The following ABR variants were observed in gnomAD, a reference collection of about 807,000 sequenced individuals.
The protein encoded by ABR is active breakpoint cluster region-related protein.
ABR carries 35 observed loss-of-function variants against 107.2 expected under a neutral mutation model. The observed-to-expected ratio is 0.33, with a 90% confidence interval of 0.25 to 0.43. The LOEUF (loss-of-function observed/expected upper bound fraction) is 0.43. Ranked by LOEUF, ABR falls within the 20% of genes least tolerant of loss-of-function variation. The pLI is 1.00. For missense variants in ABR, 815 were observed against 1,115.2 expected, an observed-to-expected ratio of 0.73 and a Z score of 3.83; for synonymous variants, 498 against 462.0, an observed-to-expected ratio of 1.08 and a Z score of -1.00.
chr17:1,096,719 G>C (rs192332382), intron 3 of ABR, among the ~76,000 whole-genome samples: 520 of 148,108 alleles, frequency 3.5e-3, no homozygotes, highest in African/African-American at 0.011. Context: ...GCTGGGGAAG[G>C]GGGGGAACCT....
intron 7 of ABR, 60 bp from the exon 8 acceptor site, chr17:1,072,814 CG>C: frequency 3.2e-6 from 5 of 1,564,322 alleles, no homozygotes; most frequent in Non-Finnish European, 4.3e-6. Flanking sequence ...GTGTGGCCAC[CG>C]GGGAGTGCTC....
chr17:1,228,990 T>C (rs1289327236), exon 1 of ABR: 1 of 151,286 alleles, frequency 6.6e-6, no homozygotes, highest in Admixed American at 6.6e-5. Context: ...GGCCTCCCGC[T>C]GCTCCAGGTC....
intron 4 of ABR, among the ~76,000 whole-genome samples, chr17:1,086,848 C>A (rs2036622799): frequency 1.3e-5 from 2 of 152,134 alleles, no homozygotes; most frequent in Non-Finnish European, 2.9e-5. Flanking sequence ...GGTACACACA[C>A]CTATAGCCCT....
intron 1 of ABR, among the ~76,000 whole-genome samples, chr17:1,227,724 T>C (rs2043247882): frequency 6.6e-6 from 1 of 152,180 alleles, no homozygotes; most frequent in Non-Finnish European, 1.5e-5. Context: ...ACCAGTGTGC[T>C]GCTTTCCGCG....
At chr17:1,132,476 TCAAGCGATTCTCCCGTCTC>T (rs1229996252) in intron 1 of ABR, among the ~76,000 whole-genome samples, 1 of 150,912 alleles carries the variant, frequency 6.6e-6, no homozygotes, top group Non-Finnish European at 1.5e-5. Flanking sequence ...CCTGCCAGGT[TCAAGCGATTCTCCCGTCTC>T]AGCCTCCCGA....
chr17:1,195,315 A>T (rs867284725), intron 1 of ABR, among the ~76,000 whole-genome samples: 2 of 145,874 alleles, frequency 1.4e-5, no homozygotes, highest in Non-Finnish European at 3.0e-5. Flanking sequence ...AAAAAAAAAA[A>T]AAAGTCCTGG....
intron 1 of ABR, chr17:1,177,877 C>T (rs62070493): frequency 0.039 from 5,921 of 152,370 alleles, 201 homozygotes; most frequent in East Asian, 0.16. Context: ...TTCATGCAGA[C>T]GCACGTGCAC....
intron 1 of ABR, among the ~76,000 whole-genome samples, chr17:1,213,974 G>A (rs933072936): frequency 4.0e-5 from 6 of 151,596 alleles, no homozygotes; most frequent in African/African-American, 9.7e-5. Context: ...TGCATCCTCC[G>A]CCTCCCGGGT....
intron 21 of ABR, 93 bp from the exon 22 acceptor site, chr17:1,007,405 G>C: frequency 6.8e-7 from 1 of 1,480,722 alleles, no homozygotes; most frequent in Non-Finnish European, 9.2e-7. Flanking sequence ...AACTCCTGAA[G>C]GACTCCTGGA....
intron 16 of ABR, among the ~76,000 whole-genome samples, chr17:1,022,120 A>AAAAAAAAAAAAAAAAAAAAAAAC (rs56033950): frequency 1.3e-4 from 15 of 118,394 alleles, no homozygotes; most frequent in South Asian, 8.1e-4. Flanking sequence ...AAAAAAAAAA[A>AAAAAAAAAAAAAAAAAAAAAAAC]AAAAACAGAA....
chr17:1,133,650 G>A (rs866706695), intron 1 of ABR, among the ~76,000 whole-genome samples: 21 of 152,144 alleles, frequency 1.4e-4, no homozygotes, highest in African/African-American at 3.9e-4. Context: ...AGAGCCTTCC[G>A]ATTCTGGAAA....
Position 1,011,676 on chromosome 17 carries a change from A to G in ABR, c.2101+170T>C, listed in dbSNP as rs1567563066. 1 of 756,928 alleles carries G rather than the reference A, an allele frequency of 1.3e-6. No individual in the cohort carries two copies. The highest frequency in any genetic ancestry group is 2.9e-5 in the East Asian group (1 of 34,130). The allele number at this position is 756,928 out of a possible 1,614,324, so 46.9% of individuals were successfully genotyped here. On this transcript the variant is annotated intron_variant, in intron 19 of 22. Transcript: ENST00000302538. This position sits in a 1 kb window ranked among gnomAD's most constrained non-coding sequence, Gnocchi z 4.8. ...CAGTTGCTTACCTGCAGCAAGGGAC[A>G]AGAGATTGGAGGGGAGGGGATTACA...
At position 1,010,708 on chromosome 17, in the gene ABR, T is replaced by C; in HGVS notation, c.2236+21A>G. Reference sequence around the variant, plus strand: ...GGCTCAGTCTGGCCCAGCCCAGTCCTAGGAGCCCTCAGGGCCTCACCGATG... The same window carrying C: ...GGCTCAGTCTGGCCCAGCCCAGTCCCAGGAGCCCTCAGGGCCTCACCGATG... On this transcript the variant is annotated intron_variant, in intron 20 of 22. Transcript: ENST00000302538. The surrounding 1 kb of genome is among the most constrained non-coding windows in gnomAD (Gnocchi z 4.1). The C allele has an allele frequency of 1.9e-6, 3 of 1,612,590 alleles. No individual in the cohort carries two copies. Among genetic ancestry groups the C allele is most frequent in the Non-Finnish European group, 2.5e-6 (3 of 1,179,754 alleles).
chr17:1,146,647 CCACATGCCACCACTG>C (rs1387176911), intron 1 of ABR, among the ~76,000 whole-genome samples: 1 of 148,346 alleles, frequency 6.7e-6, no homozygotes, highest in African/African-American at 2.5e-5. Context: ...GCCACCACTG[CCACATGCCACCACTG>C]CCACCAGGCC....
At chr17:1,208,687 A>G (rs574420975) in intron 1 of ABR, among the ~76,000 whole-genome samples, 10 of 152,188 alleles carry the variant, frequency 6.6e-5, no homozygotes, top group East Asian at 3.9e-4. Flanking sequence ...GGGAGATCGA[A>G]ACCATCCTGG....
At chr17:1,029,961 T>C (rs1212859249) in intron 16 of ABR, among the ~76,000 whole-genome samples, 2 of 151,780 alleles carry the variant, frequency 1.3e-5, no homozygotes, top group Non-Finnish European at 2.9e-5. Flanking sequence ...GGACACACTG[T>C]GGCACACAGC....
intron 10 of ABR, among the ~76,000 whole-genome samples, chr17:1,064,792 C>T (rs1239072532): frequency 1.5e-5 from 1 of 65,420 alleles, no homozygotes; most frequent in African/African-American, 5.1e-5. Flanking sequence ...TTCCTCTAGA[C>T]ACTGTTGTTA....
chr17:1,078,729 C>T lies in ABR; in HGVS notation c.700+601G>A. On this transcript the variant is annotated intron_variant, in intron 6 of 22. Transcript: ENST00000302538. This position sits in a 1 kb window ranked among gnomAD's most constrained non-coding sequence, Gnocchi z 7.5. The stretch of plus-strand genomic sequence containing the variant: ...ACCCTCCTTCCCTGCGGCCCTCTAA[C>T]CTCCCCGGCCACATCTAAGCCCACT... 1 of 1,414,394 alleles carries T rather than the reference C, an allele frequency of 7.1e-7. No homozygotes were observed. The highest frequency in any genetic ancestry group is 9.6e-7 in the Non-Finnish European group (1 of 1,045,402). 87.6% of individuals were successfully genotyped at this position (1,414,394 alleles called of 1,614,324 possible). A position where few individuals can be genotyped will look rare whatever the true frequency, so the allele number is the denominator to read the frequency against.
upstream of ABR, among the ~76,000 whole-genome samples, chr17:1,187,893 C>T (rs999211868): frequency 6.6e-6 from 1 of 151,326 alleles, no homozygotes; most frequent in Non-Finnish European, 1.5e-5. Context: ...GAGGCTCCCT[C>T]TCAAAATAAA....
Sources: gnomAD v4.1 joint callset for allele counts (sites outside exome capture counted in the v4.1 genomes callset) on GRCh38, gnomAD v4.1.1 for gene constraint, Gnocchi (gnomAD v3.1) non-coding constraint, MANE v1.5 for transcripts, NCBI Gene and HGNC (gene_info 2026-07-23, HGNC 2026-07-21) for gene names.